The following BCAS1 variants were observed in gnomAD, a reference collection of about 807,000 sequenced individuals.
BCAS1 encodes the protein breast carcinoma-amplified sequence 1.
A neutral mutation model predicts 65.4 loss-of-function variants in BCAS1; 46 were observed. The observed-to-expected ratio is 0.70, with a 90% CI of 0.55 to 0.90. The LOEUF (loss-of-function observed/expected upper bound fraction) is 0.90. Ranked by LOEUF, BCAS1 falls within the 40% of genes least tolerant of loss-of-function variation. The pLI, the probability that BCAS1 is intolerant of heterozygous loss-of-function variation, is 0.00. For missense variants in BCAS1, 793 were observed against 771.2 expected, an observed-to-expected ratio of 1.03 and a Z score of -0.33; for synonymous variants, 298 against 293.5, an observed-to-expected ratio of 1.02 and a Z score of -0.16.
At chr20:54,039,957 T>G (rs2091962388) in intron 3 of BCAS1, among the ~76,000 whole-genome samples, 1 of 151,452 alleles carries the variant, frequency 6.6e-6, no homozygotes, top group South Asian at 2.1e-4. Flanking sequence ...TGATGACTTT[T>G]GTACATTATA....
chr20:54,042,060 C>T (rs1407248318), intron 3 of BCAS1, among the ~76,000 whole-genome samples: 2 of 152,016 alleles, frequency 1.3e-5, no homozygotes, highest in East Asian at 1.9e-4. Flanking sequence ...AAAATGTTAT[C>T]CTAGAAATAA....
intron 1 of BCAS1, among the ~76,000 whole-genome samples, chr20:54,065,195 T>A (rs201788932): frequency 8.2e-5 from 10 of 121,362 alleles, no homozygotes; most frequent in South Asian, 5.4e-4. Flanking sequence ...TCACACACAC[T>A]ATATATATAA....
chr20:53,982,918 G>A (rs777483013), intron 8 of BCAS1, among the ~76,000 whole-genome samples: 21 of 152,116 alleles, frequency 1.4e-4, no homozygotes, highest in Non-Finnish European at 2.8e-4. Flanking sequence ...AAACTTTGAC[G>A]AAGAGCCTTT....
At chr20:53,951,180 G>A (rs1377645564) in intron 12 of BCAS1, among the ~76,000 whole-genome samples, 1 of 152,132 alleles carries the variant, frequency 6.6e-6, no homozygotes, top group Admixed American at 6.5e-5. Flanking sequence ...GGTTAAAAAC[G>A]TGTAAACTAA....
chr20:54,069,891 AT>A (rs1189581633), intron 1 of BCAS1, among the ~76,000 whole-genome samples: 3 of 152,222 alleles, frequency 2.0e-5, no homozygotes, highest in African/African-American at 4.8e-5. Context: ...TCAGAGGGAG[AT>A]GTAAACAGCA....
intron 8 of BCAS1, among the ~76,000 whole-genome samples, chr20:53,984,141 T>C (rs1160771998): frequency 6.6e-6 from 1 of 152,238 alleles, no homozygotes; most frequent in African/African-American, 2.4e-5. Flanking sequence ...AATATGCATA[T>C]GAATACATGG....
intron 4 of BCAS1, among the ~76,000 whole-genome samples, chr20:54,009,248 A>G (rs1246336501): frequency 1.3e-5 from 2 of 152,228 alleles, no homozygotes; most frequent in African/African-American, 4.8e-5. Context: ...GAAATTTTAG[A>G]ATTGAAAGGT....
intron 9 of BCAS1, among the ~76,000 whole-genome samples, chr20:53,970,410 A>G (rs2090149747): frequency 6.6e-6 from 1 of 152,234 alleles, no homozygotes; most frequent in South Asian, 2.1e-4. Flanking sequence ...TGGCTAAATA[A>G]GGATCTGATT....
At chr20:54,053,967 G>A (rs1448022440) in intron 3 of BCAS1, among the ~76,000 whole-genome samples, 2 of 152,194 alleles carry the variant, frequency 1.3e-5, no homozygotes, top group African/African-American at 4.8e-5. Flanking sequence ...AAGGAAAGAG[G>A]TTTAATGGAC....
intron 9 of BCAS1, among the ~76,000 whole-genome samples, chr20:53,972,342 G>C (rs1257452271): frequency 3.3e-5 from 5 of 152,188 alleles, no homozygotes; most frequent in Non-Finnish European, 5.9e-5. Flanking sequence ...TGAGTCAGCT[G>C]TGAGCTGTAT....
At position 54,058,654 on chromosome 20, in the gene BCAS1, G is replaced by A. The variant is rs759594832; in HGVS notation, c.65C>T (p.Thr22Ile). 2 of 1,523,006 alleles carry A rather than the reference G, an allele frequency of 1.3e-6. No homozygotes were observed. The highest frequency in any genetic ancestry group is 1.8e-6 in the Non-Finnish European group (2 of 1,128,450). 94.3% of individuals were successfully genotyped at this position (1,523,006 alleles called of 1,614,324 possible). ...EDQENEPEAE[T>I]YQDNASALNG... The stretch of plus-strand genomic sequence containing the variant: ...TAATGGTTACTACACTACCTGGTAA[G>A]TCTCTGCTTCTGGTTCATTCTCTTG... Residue 22 changes from threonine (T) to isoleucine (I), a missense_variant, in exon 2 of 13, where the codon ACT (threonine) becomes ATT (isoleucine). Transcript: ENST00000688948.
chr20:53,999,348 C>A (rs1008753768), intron 4 of BCAS1, among the ~76,000 whole-genome samples: 1 of 152,184 alleles, frequency 6.6e-6, no homozygotes, highest in Non-Finnish European at 1.5e-5. Flanking sequence ...CTTATCTAAT[C>A]TTTGCCAAGA....
At chr20:54,038,374 G>A (rs990907673) in intron 3 of BCAS1, among the ~76,000 whole-genome samples, 3 of 151,036 alleles carry the variant, frequency 2.0e-5, no homozygotes, top group Admixed American at 6.6e-5. Context: ...TCCTCTCCAC[G>A]ACCTGTAAGC....
At position 54,057,088 on chromosome 20, in the gene BCAS1, G is replaced by A. The variant is rs183202069; in HGVS notation, c.142+997C>T. 3.4e-4 allele frequency among the ~76,000 whole-genome samples: 51 copies of A among 152,218 alleles called. No individual in the cohort carries two copies. In the East Asian group the frequency reaches 4.2e-3, roughly 13 times the overall value. On this transcript the variant is annotated intron_variant, in intron 3 of 12. Coordinates refer to ENST00000688948, the MANE Select transcript of BCAS1 (RefSeq NM_001366298.2). ...CTTCTTACATAATTTATATGTATCC[G>A]TCACATAGTAGAGCCTGACCACCCT...
At chr20:54,065,094 A>T (rs1477669461) in intron 1 of BCAS1, among the ~76,000 whole-genome samples, 1 of 151,042 alleles carries the variant, frequency 6.6e-6, no homozygotes, top group Non-Finnish European at 1.5e-5. Flanking sequence ...TTTCAACTTT[A>T]TGATGAGTAT....
chr20:53,983,312 G>A (rs1398159797), intron 8 of BCAS1, among the ~76,000 whole-genome samples: 1 of 152,174 alleles, frequency 6.6e-6, no homozygotes, highest in Non-Finnish European at 1.5e-5. Context: ...GGGCACTTTT[G>A]TACTAGGTCC....
intron 8 of BCAS1, among the ~76,000 whole-genome samples, chr20:53,978,355 TA>T (rs1317603708): frequency 6.6e-6 from 1 of 152,086 alleles, no homozygotes; most frequent in African/African-American, 2.4e-5. Flanking sequence ...TTTTACTTAA[TA>T]TTTTTTTCTT....
intron 4 of BCAS1, among the ~76,000 whole-genome samples, chr20:54,006,300 A>C (rs1315785154): frequency 6.6e-6 from 1 of 152,190 alleles, no homozygotes; most frequent in Non-Finnish European, 1.5e-5. Context: ...GAGAAGAGGA[A>C]AAAAAGCAAG....
intron 11 of BCAS1, among the ~76,000 whole-genome samples, chr20:53,956,503 T>C (rs886137077): frequency 2.0e-5 from 3 of 152,236 alleles, no homozygotes; most frequent in African/African-American, 7.2e-5. Flanking sequence ...GTAGCTAACA[T>C]GTATTGAGCC....
Sources: allele counts gnomAD v4.1 joint callset (sites outside exome capture counted in the v4.1 genomes callset), GRCh38; gene constraint gnomAD v4.1.1; transcripts MANE v1.5; gene names NCBI Gene and HGNC (gene_info 2026-07-23, HGNC 2026-07-21).